The following DAB1 variants were observed in gnomAD, a reference collection of about 807,000 sequenced individuals.
DAB1 encodes disabled homolog 1.
In DAB1, 15 loss-of-function variants were observed where a neutral mutation model predicts 64.6. The observed-to-expected ratio is 0.23, with a 90% CI of 0.16 to 0.36. The LOEUF (loss-of-function observed/expected upper bound fraction) is 0.36, where lower values mean the gene tolerates loss of function less well. Among genes scored for constraint, DAB1 ranks in the 10% least tolerant of loss-of-function variants. The probability of loss-of-function intolerance (pLI) is 1.00; values close to 1 mark genes in which losing one functional copy is unlikely to be tolerated. For missense variants in DAB1, 596 were observed against 706.7 expected (o/e 0.84, Z 1.78); for synonymous variants, 235 against 251.9 (o/e 0.93, Z 0.64).
intron 1 of DAB1, among the ~76,000 whole-genome samples, chr1:57,294,437 A>G (rs1673030329): frequency 6.6e-6 from 1 of 151,490 alleles, no homozygotes; most frequent in African/African-American, 2.4e-5. Flanking sequence ...AAAAACACTA[A>G]ACCACAAAGC....
intron 7 of DAB1, among the ~76,000 whole-genome samples, chr1:57,563,450 G>A (rs897410776): frequency 6.6e-5 from 10 of 152,120 alleles, no homozygotes; most frequent in Non-Finnish European, 1.5e-4. Context: ...GTGCAGGACA[G>A]TGGGTGCAGC....
At chr1:58,431,871 T>C (rs934203542) in intron 3 of DAB1, among the ~76,000 whole-genome samples, 1 of 152,136 alleles carries the variant, frequency 6.6e-6, no homozygotes, top group Non-Finnish European at 1.5e-5. Context: ...TGATGAGATG[T>C]GAACAACTCC....
intron 5 of DAB1, among the ~76,000 whole-genome samples, chr1:57,927,753 A>T (rs1489975835): frequency 6.6e-6 from 1 of 152,202 alleles, no homozygotes; most frequent in Non-Finnish European, 1.5e-5. Flanking sequence ...CAGGCTTCCA[A>T]TATGACCATT....
At chr1:57,765,098 A>AGTGTTCTGTGGG (rs1649252309) in intron 6 of DAB1, among the ~76,000 whole-genome samples, 1 of 152,190 alleles carries the variant, frequency 6.6e-6, no homozygotes, top group Non-Finnish European at 1.5e-5. Context: ...TCACAGCACC[A>AGTGTTCTGTGGG]CAGCAGACAT....
intron 2 of DAB1, among the ~76,000 whole-genome samples, chr1:57,147,433 T>C (rs2100831776): frequency 1.3e-5 from 2 of 152,048 alleles, no homozygotes; most frequent in East Asian, 3.9e-4. Flanking sequence ...ACCCCCAGTT[T>C]TCTTTTTGTT....
intron 6 of DAB1, among the ~76,000 whole-genome samples, chr1:57,682,040 A>G (rs1471158280): frequency 6.6e-6 from 1 of 152,142 alleles, no homozygotes; most frequent in East Asian, 1.9e-4. Context: ...TCTGAAACAG[A>G]AGTAGGCAGC....
chr1:58,507,149 T>C (rs531123233), intron 2 of DAB1, among the ~76,000 whole-genome samples: 12 of 151,960 alleles, frequency 7.9e-5, no homozygotes, highest in Non-Finnish European at 1.5e-4. Context: ...CTCCATAAGG[T>C]GGATTATTAA....
chr1:57,318,714 G>A (rs989948603), intron 1 of DAB1, among the ~76,000 whole-genome samples: 2 of 91,470 alleles, frequency 2.2e-5, no homozygotes, highest in Non-Finnish European at 2.2e-5. Flanking sequence ...TCAACTTTTT[G>A]TTTACCCGGT....
chr1:57,526,676 A>C (rs553993325), intron 7 of DAB1, among the ~76,000 whole-genome samples: 1 of 152,336 alleles, frequency 6.6e-6, no homozygotes, highest in Non-Finnish European at 1.5e-5. Context: ...AGTGGTAAAT[A>C]AGAAAGATAT....
intron 1 of DAB1, among the ~76,000 whole-genome samples, chr1:57,382,262 C>T (rs1681444282): frequency 6.6e-6 from 1 of 152,168 alleles, no homozygotes; most frequent in African/African-American, 2.4e-5. Context: ...TGAAATCCCA[C>T]ACTGCTAGTC....
At chr1:58,526,013 T>G (rs991120039) in intron 2 of DAB1, among the ~76,000 whole-genome samples, 1 of 152,082 alleles carries the variant, frequency 6.6e-6, no homozygotes, top group Non-Finnish European at 1.5e-5. Flanking sequence ...AAAAAAAAGA[T>G]GTTGCCCTCT....
intron 3 of DAB1, among the ~76,000 whole-genome samples, chr1:58,393,846 T>G (rs1310806733): frequency 1.3e-5 from 2 of 152,190 alleles, no homozygotes; most frequent in East Asian, 3.8e-4. Flanking sequence ...ATTGTATATT[T>G]CAAATTGCTA....
At chr1:58,094,041 T>G (rs1047068727) in intron 5 of DAB1, among the ~76,000 whole-genome samples, 7 of 152,128 alleles carry the variant, frequency 4.6e-5, no homozygotes, top group African/African-American at 1.7e-4. Context: ...ATCTCATTAC[T>G]CCCCGGTCTC....
chr1:58,040,098 T>C (rs966534346), intron 5 of DAB1, among the ~76,000 whole-genome samples: 1 of 152,206 alleles, frequency 6.6e-6, no homozygotes, highest in Non-Finnish European at 1.5e-5. Context: ...TAGGGCACGA[T>C]AGTAATAAAA....
At chr1:57,788,111 T>G (rs1208353423) in intron 6 of DAB1, among the ~76,000 whole-genome samples, 3 of 152,174 alleles carry the variant, frequency 2.0e-5, no homozygotes, top group African/African-American at 7.2e-5. Context: ...AGCAGTTTCT[T>G]ATCAAACTAA....
intron 6 of DAB1, among the ~76,000 whole-genome samples, chr1:57,781,819 T>C (rs984701291): frequency 1.3e-4 from 20 of 152,058 alleles, no homozygotes; most frequent in Admixed American, 1.2e-3. Flanking sequence ...TTGAAGACAG[T>C]AAAACTGATT....
chr1:57,482,199 A>G (rs1054193820), intron 7 of DAB1, among the ~76,000 whole-genome samples: 2 of 152,154 alleles, frequency 1.3e-5, no homozygotes, highest in African/African-American at 4.8e-5. Flanking sequence ...CTAAGTTCGC[A>G]TGAAAGAGCG....
chr1:58,476,649 G>A (rs1338513122), intron 3 of DAB1, among the ~76,000 whole-genome samples: 1 of 152,104 alleles, frequency 6.6e-6, no homozygotes, highest in Non-Finnish European at 1.5e-5. Flanking sequence ...AATTCTCTAG[G>A]CTCTCACAAA....
chr1:57,728,609 C>CA (rs35688917), intron 6 of DAB1, among the ~76,000 whole-genome samples: 9,312 of 149,972 alleles, frequency 0.062, 314 homozygotes, highest in Admixed American at 0.086. Context: ...AAAACAACAA[C>CA]AAAAAAAAAC....
Sources: allele counts gnomAD v4.1 joint callset (sites outside exome capture counted in the v4.1 genomes callset), GRCh38; gene constraint gnomAD v4.1.1; transcripts MANE v1.5; gene names NCBI Gene and HGNC (gene_info 2026-07-23, HGNC 2026-07-21).